RASAL2: variants seen among roughly 807,000 people sequenced by gnomAD.
RASAL2 encodes ras GTPase-activating protein nGAP.
A neutral mutation model predicts 128.9 loss-of-function variants in RASAL2; 58 were observed. That is an observed-to-expected ratio of 0.45 (90% CI 0.36 to 0.56). The LOEUF (loss-of-function observed/expected upper bound fraction) is 0.56. Ranked by LOEUF, RASAL2 falls within the 20% of genes least tolerant of loss-of-function variation. The pLI is 0.00. For missense variants in RASAL2, 1,360 were observed against 1,601.6 expected (o/e 0.85, Z 2.57); for synonymous variants, 561 against 580.8 (o/e 0.97, Z 0.49).
chr1:178,341,814 A>G (rs1669896818), intron 3 of RASAL2, among the ~76,000 whole-genome samples: 1 of 152,218 alleles, frequency 6.6e-6, no homozygotes, highest in Non-Finnish European at 1.5e-5. Context: ...CCAGCACAAG[A>G]ATAGCCATCT....
chr1:178,143,953 A>G (rs1448640901), intron 1 of RASAL2, among the ~76,000 whole-genome samples: 2 of 152,172 alleles, frequency 1.3e-5, no homozygotes, highest in South Asian at 4.1e-4. Context: ...GTGTTATATC[A>G]TAAGTGGTGT....
At chr1:178,245,539 T>C (rs910274515) in intron 1 of RASAL2, among the ~76,000 whole-genome samples, 3 of 152,220 alleles carry the variant, frequency 2.0e-5, no homozygotes, top group African/African-American at 7.2e-5. Context: ...TTCACTCTGA[T>C]GATAGTTTCT....
intron 3 of RASAL2, among the ~76,000 whole-genome samples, chr1:178,380,572 A>G (rs891244573): frequency 6.6e-6 from 1 of 152,124 alleles, no homozygotes; most frequent in African/African-American, 2.4e-5. Context: ...ACATGTGTCT[A>G]TTGAGTGGGG....
chr1:178,179,799 A>G (rs1291507771), intron 1 of RASAL2, among the ~76,000 whole-genome samples: 1 of 152,214 alleles, frequency 6.6e-6, no homozygotes, highest in Non-Finnish European at 1.5e-5. Context: ...CATTCATACA[A>G]CTTCAACTAA....
intron 3 of RASAL2, among the ~76,000 whole-genome samples, chr1:178,302,285 A>G (rs530920296): frequency 1.4e-4 from 22 of 152,312 alleles, no homozygotes; most frequent in Non-Finnish European, 2.6e-4. Flanking sequence ...TTTTTTATGT[A>G]GTTAGCAAGA....
chr1:178,301,361 T>C (rs575140408), intron 3 of RASAL2, among the ~76,000 whole-genome samples: 1 of 152,302 alleles, frequency 6.6e-6, no homozygotes, highest in East Asian at 1.9e-4. Context: ...TCTATGTAAA[T>C]TGAACTGGCT....
At chr1:178,441,397 GACCATGTT>G in intron 6 of RASAL2, 144 bp from the exon 7 acceptor site, 1 of 554,454 alleles carries the variant, frequency 1.8e-6, no homozygotes, top group Non-Finnish European at 3.3e-6. Context: ...TGGGATCTGA[GACCATGTT>G]TTTCTTATCT....
At chr1:178,241,012 C>A (rs1221193636) in intron 1 of RASAL2, among the ~76,000 whole-genome samples, 4 of 151,292 alleles carry the variant, frequency 2.6e-5, no homozygotes, top group Non-Finnish European at 4.4e-5. Flanking sequence ...TTCTAATTGA[C>A]CAGTGTGGTT....
Position 178,443,102 on chromosome 1 carries a change from T to A in RASAL2, c.1355T>A (p.Phe452Tyr), listed in dbSNP as rs1256427591. 6 of 1,613,828 alleles carry A rather than the reference T, an allele frequency of 3.7e-6. No homozygotes were observed. The African/African-American group carries it at 8.0e-5, about 22-fold the overall frequency. The change falls in exon 8 of 18, where the codon TTT becomes TAT. Residue 452 changes from phenylalanine (F) to tyrosine (Y), a missense_variant. Around this residue, in one of 3 missense-constraint regions of RASAL2, gnomAD observed 617 missense variants for 714.2 expected, o/e 0.86. Transcript: ENST00000367649. ...TILPMEQYKE[F>Y]AEFVTSNYTM... The stretch of plus-strand genomic sequence containing the variant: ...CTGCCTATGGAGCAATACAAAGAAT[T>A]TGCAGAATTTGTCACCAGCAACTAC...
At chr1:178,128,160 C>G (rs1032340960) in intron 1 of RASAL2, among the ~76,000 whole-genome samples, 1 of 152,032 alleles carries the variant, frequency 6.6e-6, no homozygotes, top group Non-Finnish European at 1.5e-5. Context: ...TTTATGATCT[C>G]TTTGGTGTCT....
At chr1:178,294,628 G>C (rs959792680) in intron 2 of RASAL2, among the ~76,000 whole-genome samples, 1 of 152,150 alleles carries the variant, frequency 6.6e-6, no homozygotes, top group African/African-American at 2.4e-5. Context: ...TCCATCTATC[G>C]ATCAATCGAA....
rs146496466 is a variant in RASAL2 at position 178,457,833 on chromosome 1, C to T, written c.2541C>T (p.Ser847=). ...AAAGTAGCCTTCCTAATGGTCGGAG[C>T]GTCTCCCTCATGGACCTCCAGGACA... ...ERESSLPNGR[S]VSLMDLQDTH... is the part of the protein sequence containing the mutation. Residue 847 remains serine (S), a synonymous_variant, in exon 14 of 18, where the codon AGC becomes AGT. Transcript: ENST00000367649. 7.3e-4 allele frequency: 1,179 copies of T among 1,614,048 alleles called. 2 individuals carry two copies. The highest frequency in any genetic ancestry group is 9.3e-4 in the Non-Finnish European group (1,092 of 1,180,030).
rs199828724 is a variant in RASAL2, at chr1:178,447,574, G to A, written c.1627+1912G>A. ...CTGTAATCCCAGCTAAGGAGGCTGA[G>A]GCAGGAGAATTGCTTGAACCAGAGA... On this transcript the variant is annotated intron_variant, in intron 9 of 17. Coordinates refer to ENST00000367649, the MANE Select transcript of RASAL2 (RefSeq NM_170692.4). Among the ~76,000 whole-genome samples, 37 of 149,776 alleles carry A rather than the reference G, an allele frequency of 2.5e-4. 1 individual carries two copies. In the East Asian group the frequency reaches 6.7e-3, roughly 27 times the overall value.
At chr1:178,110,727 A>G (rs1229396758) in intron 1 of RASAL2, among the ~76,000 whole-genome samples, 1 of 149,782 alleles carries the variant, frequency 6.7e-6, no homozygotes, top group Non-Finnish European at 1.5e-5. Flanking sequence ...AGCTGGGATT[A>G]AGGCACACAC....
chr1:178,201,594 T>C (rs978947866), intron 1 of RASAL2, among the ~76,000 whole-genome samples: 3 of 152,206 alleles, frequency 2.0e-5, no homozygotes, highest in Non-Finnish European at 2.9e-5. Flanking sequence ...GTGGGAATAA[T>C]TGGATTCCAG....
chr1:178,444,851 T>C (rs1291460093), intron 8 of RASAL2, among the ~76,000 whole-genome samples: 3 of 152,144 alleles, frequency 2.0e-5, no homozygotes, highest in Non-Finnish European at 4.4e-5. Flanking sequence ...GCTGGAGATA[T>C]GGTGGTAAAC....
chr1:178,305,262 T>C (rs1667935762), intron 3 of RASAL2, among the ~76,000 whole-genome samples: 1 of 152,146 alleles, frequency 6.6e-6, no homozygotes, highest in Non-Finnish European at 1.5e-5. Context: ...CCTATCAAAA[T>C]ACCAATGACA....
chr1:178,246,764 T>G (rs896650964), intron 1 of RASAL2, among the ~76,000 whole-genome samples: 3 of 151,968 alleles, frequency 2.0e-5, no homozygotes, highest in Admixed American at 2.0e-4. Flanking sequence ...TTATTGAGAG[T>G]TTTTAGCATG....
intron 2 of RASAL2, among the ~76,000 whole-genome samples, chr1:178,287,788 A>G (rs535906286): frequency 6.6e-6 from 1 of 152,282 alleles, no homozygotes; most frequent in East Asian, 1.9e-4. Context: ...ATGAGGATGC[A>G]AAGGAATAAG....
Sources: gnomAD v4.1 joint callset for allele counts (sites outside exome capture counted in the v4.1 genomes callset) on GRCh38, gnomAD v4.1.1 for gene constraint, gnomAD v4.1.1 regional missense constraint, MANE v1.5 for transcripts, NCBI Gene and HGNC (gene_info 2026-07-23, HGNC 2026-07-21) for gene names.